The following FOCAD variants were observed in gnomAD, a reference collection of about 807,000 sequenced individuals.
FOCAD encodes focadhesin, also known as KIAA1797.
Under a neutral mutation model 225.6 loss-of-function variants are expected in FOCAD, and 198 were observed. That is an observed-to-expected ratio of 0.88 (90% CI 0.78 to 0.99). The LOEUF is 0.99. Among genes scored for constraint, FOCAD ranks in the 50% least tolerant of loss-of-function variants. The pLI, the probability that FOCAD is intolerant of heterozygous loss-of-function variation, is 0.00. For missense variants in FOCAD, 2,713 were observed against 2,123.6 expected (o/e 1.28, Z -5.46); for synonymous variants, 897 against 755.0 (o/e 1.19, Z -3.08).
At chr9:20,882,916 T>C (rs1424679302) in intron 20 of FOCAD, among the ~76,000 whole-genome samples, 1 of 152,062 alleles carries the variant, frequency 6.6e-6, no homozygotes, top group Non-Finnish European at 1.5e-5. Flanking sequence ...TGCCAATTAG[T>C]GGGGGGTGTT....
chr9:20,802,368 A>T (rs1821941195), intron 11 of FOCAD, among the ~76,000 whole-genome samples: 1 of 152,162 alleles, frequency 6.6e-6, no homozygotes, highest in South Asian at 2.1e-4. Flanking sequence ...AGAAGTAAGG[A>T]CAAAGTGTCT....
intron 11 of FOCAD, among the ~76,000 whole-genome samples, chr9:20,799,168 T>A (rs563729587): frequency 5.1e-4 from 78 of 152,344 alleles, no homozygotes; most frequent in African/African-American, 1.8e-3. Flanking sequence ...TGAGTGAGTT[T>A]CTTAATCCCG....
At chr9:20,667,645 A>G (rs947215745) in intron 2 of FOCAD, among the ~76,000 whole-genome samples, 30 of 152,224 alleles carry the variant, frequency 2.0e-4, no homozygotes, top group African/African-American at 7.0e-4. Context: ...AGAAATTCCA[A>G]GTATCTTTTA....
At chr9:20,960,587 A>AT (rs542831656) in intron 35 of FOCAD, among the ~76,000 whole-genome samples, 1,803 of 149,216 alleles carry the variant, frequency 0.012, 21 homozygotes, top group South Asian at 0.033. Context: ...GAATCCATCT[A>AT]TTTTTTTTTT....
chr9:20,818,784 T>C (rs1171130804), intron 11 of FOCAD, among the ~76,000 whole-genome samples: 2 of 152,096 alleles, frequency 1.3e-5, no homozygotes, highest in African/African-American at 4.8e-5. Context: ...TTGTGGTAAA[T>C]TTGGAAGTGA....
chr9:20,868,736 C>T (rs918330455), intron 18 of FOCAD, among the ~76,000 whole-genome samples: 2 of 151,680 alleles, frequency 1.3e-5, no homozygotes, highest in African/African-American at 4.8e-5. Flanking sequence ...TAATCCCCTT[C>T]TGGGATATGA....
At chr9:20,750,264 A>T (rs1379931198) in intron 5 of FOCAD, among the ~76,000 whole-genome samples, 3 of 152,152 alleles carry the variant, frequency 2.0e-5, no homozygotes, top group African/African-American at 7.2e-5. Context: ...TTTATTGTAG[A>T]TAGGCATTTG....
chr9:20,871,888 C>T (rs923067429), intron 18 of FOCAD, among the ~76,000 whole-genome samples: 1 of 141,518 alleles, frequency 7.1e-6, no homozygotes, highest in Non-Finnish European at 1.5e-5. Context: ...TGCACATGTA[C>T]CCTAAAACTT....
intron 21 of FOCAD, among the ~76,000 whole-genome samples, chr9:20,889,137 C>T (rs867338522): frequency 1.3e-5 from 2 of 152,178 alleles, no homozygotes; most frequent in Non-Finnish European, 2.9e-5. Flanking sequence ...TCTTCATTTT[C>T]CCTTGTCCTT....
intron 6 of FOCAD, among the ~76,000 whole-genome samples, chr9:20,762,002 G>C (rs1179321246): frequency 6.6e-6 from 1 of 152,166 alleles, no homozygotes; most frequent in African/African-American, 2.4e-5. Flanking sequence ...TTTTTAAATA[G>C]TATATTGTCC....
chr9:20,665,107 A>G (rs745989667), intron 2 of FOCAD, among the ~76,000 whole-genome samples: 5 of 152,178 alleles, frequency 3.3e-5, no homozygotes, highest in South Asian at 2.1e-4. Context: ...TTAAGTAGGC[A>G]TGTTGATTGT....
At chr9:20,798,377 G>A (rs1415043485) in intron 11 of FOCAD, among the ~76,000 whole-genome samples, 1 of 152,106 alleles carries the variant, frequency 6.6e-6, no homozygotes, top group African/African-American at 2.4e-5. Flanking sequence ...GAGTTAGGGA[G>A]GATTCCCTCT....
intron 4 of FOCAD, among the ~76,000 whole-genome samples, chr9:20,733,905 G>C (rs1437837345): frequency 6.6e-6 from 1 of 152,172 alleles, no homozygotes; most frequent in East Asian, 1.9e-4. Context: ...GGAGGCTTAG[G>C]TTCGAGCATC....
intron 4 of FOCAD, among the ~76,000 whole-genome samples, chr9:20,733,526 TC>T (rs1255494588): frequency 6.6e-6 from 1 of 152,058 alleles, no homozygotes; most frequent in African/African-American, 2.4e-5. Flanking sequence ...CCCACAACAG[TC>T]CCCAGATTGT....
intron 7 of FOCAD, among the ~76,000 whole-genome samples, chr9:20,768,870 G>T (rs1037404978): frequency 6.6e-6 from 1 of 151,950 alleles, no homozygotes; most frequent in Non-Finnish European, 1.5e-5. Flanking sequence ...TCTACATAAA[G>T]ACAGAATGTT....
At chr9:20,886,573 G>A (rs182598045) in intron 21 of FOCAD, among the ~76,000 whole-genome samples, 253 of 152,294 alleles carry the variant, frequency 1.7e-3, no homozygotes, top group Non-Finnish European at 1.6e-3. Context: ...AGGTGTGTCC[G>A]AGATATAAGC....
At chr9:20,786,923 C>T (rs1819980226) in intron 10 of FOCAD, 8 of 413,528 alleles carry the variant, frequency 1.9e-5, no homozygotes, top group South Asian at 1.3e-4. Flanking sequence ...AAAAGCAAAG[C>T]TTACTAGCAT....
chr9:20,969,729 T>C (rs1438509060), intron 35 of FOCAD, among the ~76,000 whole-genome samples: 4 of 145,176 alleles, frequency 2.8e-5, no homozygotes, highest in African/African-American at 1.0e-4. Context: ...TATATAGATA[T>C]ATAACAAAAA....
intron 2 of FOCAD, among the ~76,000 whole-genome samples, chr9:20,675,798 A>T (rs1822214420): frequency 6.8e-6 from 1 of 147,532 alleles, no homozygotes; most frequent in South Asian, 2.1e-4. Context: ...ACTGGGAGCA[A>T]CATCAATAGT....
Sources: gnomAD v4.1 joint callset for allele counts (sites outside exome capture counted in the v4.1 genomes callset) on GRCh38, gnomAD v4.1.1 for gene constraint, MANE v1.5 for transcripts, NCBI Gene and HGNC (gene_info 2026-07-23, HGNC 2026-07-21) for gene names.